RADX: variants seen among roughly 807,000 people sequenced by gnomAD.
RADX encodes the protein RPA1 related single stranded DNA binding protein, X-linked, also known as RPA-related protein RADX.
RADX carries 36 observed loss-of-function variants against 61.6 expected under a neutral mutation model. The ratio of observed to expected loss-of-function variants is 0.58; its 90% confidence interval spans 0.45 to 0.77. The LOEUF is 0.77. Ranked by LOEUF, RADX falls within the 30% of genes least tolerant of loss-of-function variation. The pLI, the probability that RADX is intolerant of heterozygous loss-of-function variation, is 0.00. For synonymous variants in RADX, 272 were observed against 237.9 expected, an observed-to-expected ratio of 1.14 and a Z score of -1.32; for missense variants, 497 against 651.1, an observed-to-expected ratio of 0.76 and a Z score of 2.58.
chrX:106,677,276 GAGTGAGGAGTGATAGGC>G (rs1928534378), intron 13 of RADX, among the ~76,000 whole-genome samples: 2 of 112,063 alleles, frequency 1.8e-5, no homozygotes, highest in African/African-American at 6.5e-5. Flanking sequence ...CTTATCTGCG[GAGTGAGGAGTGATAGGC>G]AGGCAATTTA....
chrX:106,664,305 C>T (rs1004807018), intron 12 of RADX, among the ~76,000 whole-genome samples: 3 of 108,633 alleles, frequency 2.8e-5, no homozygotes, highest in African/African-American at 1.0e-4. Flanking sequence ...TCTAGTCTTA[C>T]CCTTGGCTAG....
rs1351358970 is a variant in RADX, at chrX:106,669,327, G to A, written c.2434G>A (p.Ala812Thr). Residue 812 changes from alanine (A) to threonine (T), a missense_variant, in exon 13 of 14, where the codon GCA (alanine) becomes ACA (threonine). By Grantham distance (58) the Ala-to-Thr change is moderately conservative. Transcript: ENST00000372548. Reference sequence around the variant, plus strand: ...CCGATTGCCAGGTCCAAGAGCGGTTGCAGGTAAAACAATCTCAGTGTTCTT... The same window carrying A: ...CCGATTGCCAGGTCCAAGAGCGGTTACAGGTAAAACAATCTCAGTGTTCTT... ...NDRLPGPRAV[A>T]GDIIKAATEL... The A allele has an allele frequency of 2.6e-6, 3 of 1,175,572 alleles. No individual in the cohort carries two copies. Among genetic ancestry groups the A allele is most frequent in the Admixed American group, 4.8e-5 (2 of 41,473 alleles).
intron 10 of RADX, among the ~76,000 whole-genome samples, chrX:106,642,746 C>T (rs1166420989): frequency 2.7e-5 from 3 of 111,683 alleles, no homozygotes; most frequent in Non-Finnish European, 3.8e-5. Flanking sequence ...ATACTGATTT[C>T]CTTTCTCCTG....
chrX:106,657,486 T>A (rs1927971795), intron 11 of RADX, among the ~76,000 whole-genome samples: 1 of 112,434 alleles, frequency 8.9e-6, no homozygotes, highest in African/African-American at 3.2e-5. Flanking sequence ...GCTAATTGTT[T>A]GGCTCAGAAG....
At chrX:106,652,317 C>A (rs1927812815) in intron 11 of RADX, among the ~76,000 whole-genome samples, 1 of 109,968 alleles carries the variant, frequency 9.1e-6, no homozygotes. Flanking sequence ...TAGTGAGAAC[C>A]AATCTCAAAA....
chrX:106,656,943 C>A (rs1927955686), intron 11 of RADX, among the ~76,000 whole-genome samples: 2 of 111,786 alleles, frequency 1.8e-5, no homozygotes, highest in Non-Finnish European at 3.8e-5. Context: ...GCTGCATTAG[C>A]CCCTAAGAAG....
At chrX:106,659,262 T>G (rs1400454923) in intron 11 of RADX, among the ~76,000 whole-genome samples, 1 of 112,172 alleles carries the variant, frequency 8.9e-6, no homozygotes, top group African/African-American at 3.2e-5. Context: ...ATTACAGGCG[T>G]GAGCCTGCCT....
At chrX:106,676,373 T>C (rs1928510413) in intron 13 of RADX, among the ~76,000 whole-genome samples, 1 of 112,164 alleles carries the variant, frequency 8.9e-6, no homozygotes, top group Admixed American at 9.5e-5. Flanking sequence ...ACGTATTTTG[T>C]ATTTTTTCAT....
chrX:106,676,068 T>C (rs1928501835), intron 13 of RADX, among the ~76,000 whole-genome samples: 1 of 112,039 alleles, frequency 8.9e-6, no homozygotes, highest in African/African-American at 3.2e-5. Flanking sequence ...ATGTTGTGGA[T>C]AGAAGTAAGT....
intron 13 of RADX, among the ~76,000 whole-genome samples, chrX:106,676,234 T>C (rs1237974888): frequency 1.8e-5 from 2 of 112,476 alleles, no homozygotes; most frequent in Non-Finnish European, 1.9e-5. Context: ...ATCATTATGA[T>C]TTAGTGAACT....
chrX:106,620,280 A>C (rs1926912947), intron 1 of RADX, among the ~76,000 whole-genome samples: 1 of 111,767 alleles, frequency 8.9e-6, no homozygotes, highest in Admixed American at 9.5e-5. Context: ...GTCATTTTTC[A>C]AAAAAAATGT....
intron 12 of RADX, among the ~76,000 whole-genome samples, chrX:106,663,042 A>C (rs1476220071): frequency 5.4e-5 from 6 of 111,610 alleles, no homozygotes; most frequent in Admixed American, 9.6e-5. Flanking sequence ...TTTCACAGGA[A>C]GATCTTAGTA....
At chrX:106,625,365 C>T in intron 3 of RADX, 83 bp downstream of exon 3, 1 of 620,564 alleles carries the variant, frequency 1.6e-6, no homozygotes, top group East Asian at 3.7e-5. Context: ...AAAAAGACCA[C>T]AAAAATTACT....
intron 11 of RADX, among the ~76,000 whole-genome samples, chrX:106,652,105 C>G (rs1345301694): frequency 9.0e-6 from 1 of 110,570 alleles, no homozygotes; most frequent in Non-Finnish European, 1.9e-5. Flanking sequence ...ACATATTAAA[C>G]TTTCGTATTC....
intron 2 of RADX, 92 bp downstream of exon 2, chrX:106,622,885 A>G (rs1291902358): frequency 4.5e-6 from 2 of 440,949 alleles, no homozygotes; most frequent in East Asian, 4.4e-5. Context: ...GTTCGTTTAA[A>G]TAACATTTCA....
At chrX:106,641,537 T>C (rs1927514274) in intron 10 of RADX, among the ~76,000 whole-genome samples, 1 of 111,572 alleles carries the variant, frequency 9.0e-6, no homozygotes, top group Non-Finnish European at 1.9e-5. Context: ...ACTCCCATTC[T>C]GAAAGAGAGA....
At chrX:106,623,990 T>C (rs1398015670) in intron 2 of RADX, among the ~76,000 whole-genome samples, 1 of 111,248 alleles carries the variant, frequency 9.0e-6, no homozygotes, top group African/African-American at 3.3e-5. Flanking sequence ...ATTTCGCCCT[T>C]GCTTGCCTCT....
chrX:106,640,470 G>T, intron 9 of RADX, 82 bp from the exon 10 acceptor site: 1 of 662,971 alleles, frequency 1.5e-6, no homozygotes, highest in Non-Finnish European at 2.2e-6. Context: ...TATGAAAAAT[G>T]AATACACTAA....
intron 9 of RADX, chrX:106,639,914 TG>T (rs1404421410): frequency 4.9e-6 from 1 of 203,839 alleles, no homozygotes; most frequent in Non-Finnish European, 8.8e-6. Flanking sequence ...CTTTTTTGTT[TG>T]TTTCCTTTTT....
Sources: gnomAD v4.1 joint callset for allele counts (sites outside exome capture counted in the v4.1 genomes callset) on GRCh38, gnomAD v4.1.1 for gene constraint, MANE v1.5 for transcripts, NCBI Gene and HGNC (gene_info 2026-07-23, HGNC 2026-07-21) for gene names.